The following BACH2 variants were observed in gnomAD, a reference collection of about 807,000 sequenced individuals.
BACH2 encodes transcription regulator protein BACH2.
In BACH2, 5 loss-of-function variants were observed where a neutral mutation model predicts 61.8. The observed-to-expected ratio is 0.08, with a 90% CI of 0.04 to 0.17. The LOEUF (loss-of-function observed/expected upper bound fraction) is 0.17. Among genes scored for constraint, BACH2 ranks in the 10% least tolerant of loss-of-function variants. BACH2 has a pLI of 1.00. For synonymous variants in BACH2, 446 were observed against 440.1 expected (o/e 1.01, Z -0.17); for missense variants, 824 against 1,091.1 (o/e 0.76, Z 3.45).
intron 5 of BACH2, among the ~76,000 whole-genome samples, chr6:90,074,156 A>G (rs752021169): frequency 3.3e-5 from 5 of 152,216 alleles, no homozygotes; most frequent in Non-Finnish European, 7.3e-5. Context: ...TTATAAGTTA[A>G]TGGTTTTTTG....
intron 5 of BACH2, among the ~76,000 whole-genome samples, chr6:90,036,858 T>C (rs1779288071): frequency 6.6e-6 from 1 of 152,148 alleles, no homozygotes; most frequent in South Asian, 2.1e-4. Flanking sequence ...AGATCCCTTA[T>C]ACTCCATCCC....
intron 2 of BACH2, among the ~76,000 whole-genome samples, chr6:90,255,309 T>C (rs1213213184): frequency 6.6e-6 from 1 of 152,244 alleles, no homozygotes; most frequent in East Asian, 1.9e-4. Flanking sequence ...AAATGTACTG[T>C]GTGTAAGACA....
At chr6:90,014,468 ATTTTTTTTTTTT>A (rs1164045089) in intron 5 of BACH2, among the ~76,000 whole-genome samples, 9 of 32,306 alleles carry the variant, frequency 2.8e-4, no homozygotes, top group African/African-American at 1.2e-3. Context: ...ATATATATAT[ATTTTTTTTTTTT>A]TTTTTTTTTT....
At chr6:90,076,970 T>C (rs1455535397) in intron 5 of BACH2, among the ~76,000 whole-genome samples, 1 of 152,190 alleles carries the variant, frequency 6.6e-6, no homozygotes, top group Non-Finnish European at 1.5e-5. Flanking sequence ...TGTGACTGAG[T>C]GCATTAAACC....
intron 8 of BACH2, among the ~76,000 whole-genome samples, chr6:89,936,689 G>A (rs892605462): frequency 3.3e-5 from 5 of 151,926 alleles, no homozygotes; most frequent in Admixed American, 1.3e-4. Context: ...TTTCCCTGGT[G>A]GTGAGTGTCA....
intron 4 of BACH2, among the ~76,000 whole-genome samples, chr6:90,180,944 G>A (rs1768141128): frequency 6.6e-6 from 1 of 152,084 alleles, no homozygotes. Context: ...GGTTGAACCC[G>A]TATCTTTGCA....
chr6:90,044,194 C>A (rs772025919), intron 5 of BACH2, among the ~76,000 whole-genome samples: 4 of 152,130 alleles, frequency 2.6e-5, no homozygotes, highest in African/African-American at 4.8e-5. Context: ...TAAGGCAGGG[C>A]AAGAGCAGTG....
intron 6 of BACH2, among the ~76,000 whole-genome samples, chr6:90,004,809 A>G (rs570321627): frequency 2.6e-5 from 4 of 152,332 alleles, no homozygotes; most frequent in African/African-American, 7.2e-5. Context: ...ATCTCTTAGC[A>G]AAACATATAC....
chr6:90,150,525 T>A (rs558181545), intron 4 of BACH2, among the ~76,000 whole-genome samples: 3 of 152,096 alleles, frequency 2.0e-5, no homozygotes, highest in African/African-American at 7.2e-5. Flanking sequence ...GACACTAACA[T>A]GGGATTCGAT....
intron 5 of BACH2, among the ~76,000 whole-genome samples, chr6:90,054,071 C>A (rs371525839): frequency 1.3e-5 from 2 of 152,196 alleles, no homozygotes; most frequent in East Asian, 3.9e-4. Context: ...TCTGCATTTC[C>A]AACTGAGGTA....
intron 4 of BACH2, among the ~76,000 whole-genome samples, chr6:90,136,704 A>C (rs970898552): frequency 6.6e-6 from 1 of 152,198 alleles, no homozygotes; most frequent in African/African-American, 2.4e-5. Context: ...GGTGTATCAT[A>C]AAATTGCACA....
In BACH2 at chr6:90,008,646, C is replaced by G; in HGVS notation, c.199G>C (p.Val67Leu). The change falls in exon 6 of 9, where the codon GTT becomes CTT. Residue 67 changes from valine to leucine, a missense_variant. Val to Leu is a conservative substitution (Grantham distance 32). Transcript: ENST00000257749. This position sits in a 1 kb window ranked among gnomAD's most constrained non-coding sequence, Gnocchi z 4.1. Reference sequence around the variant, plus strand: ...ACCAAATCATTTTTTGTCTGTCCAACCAGCGCCTGCCAAAAATATTCACTG... The same window carrying G: ...ACCAAATCATTTTTTGTCTGTCCAAGCAGCGCCTGCCAAAAATATTCACTG... ...ACSEYFWQAL[V>L]GQTKNDLVVS... The G allele has an allele frequency of 6.2e-7, 1 of 1,614,232 alleles. No individual in the cohort carries two copies. The highest frequency in any genetic ancestry group is 8.5e-7 in the Non-Finnish European group (1 of 1,180,040).
chr6:89,935,032 G>A (rs1156915944), intron 8 of BACH2, among the ~76,000 whole-genome samples: 1 of 152,190 alleles, frequency 6.6e-6, no homozygotes, highest in Non-Finnish European at 1.5e-5. Context: ...ATAAACAGAT[G>A]TACAAGTGCA....
intron 7 of BACH2, among the ~76,000 whole-genome samples, chr6:89,940,558 T>C (rs933501145): frequency 2.0e-5 from 3 of 152,216 alleles, no homozygotes; most frequent in Non-Finnish European, 2.9e-5. Flanking sequence ...GCTGCCAGGC[T>C]AAGAGACAAC....
chr6:90,192,102 A>G (rs546156363), intron 4 of BACH2, among the ~76,000 whole-genome samples: 1 of 152,370 alleles, frequency 6.6e-6, no homozygotes, highest in Admixed American at 6.5e-5. Flanking sequence ...ACAATAAGAC[A>G]GCAATATAGT....
intron 1 of BACH2, among the ~76,000 whole-genome samples, chr6:90,294,594 C>T (rs1772279902): frequency 2.0e-5 from 3 of 152,230 alleles, no homozygotes; most frequent in African/African-American, 7.2e-5. Flanking sequence ...ATTTGGCAAT[C>T]TCTCTTACAG....
chr6:90,271,674 A>G (rs1451897958), intron 2 of BACH2, among the ~76,000 whole-genome samples, 175 bp downstream of exon 2: 1 of 152,226 alleles, frequency 6.6e-6, no homozygotes, highest in Non-Finnish European at 1.5e-5. Context: ...AATGCAAATT[A>G]AAAGTGCACG....
chr6:90,011,480 T>G (rs1053053644), intron 5 of BACH2, among the ~76,000 whole-genome samples: 4 of 152,086 alleles, frequency 2.6e-5, no homozygotes, highest in Admixed American at 2.0e-4. Flanking sequence ...GTTTTTACAT[T>G]TATGAATCTA....
chr6:90,064,863 T>C (rs78445807), intron 5 of BACH2, among the ~76,000 whole-genome samples: 179 of 152,296 alleles, frequency 1.2e-3, no homozygotes, highest in Non-Finnish European at 2.0e-3. Flanking sequence ...ACTTACACAA[T>C]AACTATTTAA....
Sources: gnomAD v4.1 joint callset for allele counts (sites outside exome capture counted in the v4.1 genomes callset) on GRCh38, gnomAD v4.1.1 for gene constraint, Gnocchi (gnomAD v3.1) non-coding constraint, MANE v1.5 for transcripts, NCBI Gene and HGNC (gene_info 2026-07-23, HGNC 2026-07-21) for gene names.